Variants in PSG6 observed in about 807,000 individuals in gnomAD.
PSG6 encodes pregnancy specific beta-1-glycoprotein 6, also known as pregnancy-specific beta-1-glycoprotein 6.
Under a neutral mutation model 43.3 loss-of-function variants are expected in PSG6, and 51 were observed. The ratio of observed to expected loss-of-function variants is 1.18; its 90% CI spans 0.94 to 1.49. The LOEUF (loss-of-function observed/expected upper bound fraction) is 1.49, where lower values mean the gene tolerates loss of function less well. Among genes scored for constraint, PSG6 ranks in the 40% most tolerant of loss-of-function variants. PSG6 has a pLI of 0.00. For missense variants in PSG6, 770 were observed against 522.2 expected (o/e 1.47, Z -4.62); for synonymous variants, 292 against 197.6 (o/e 1.48, Z -4.01).
chr19:42,903,273 A>T (rs984213794), intron 5 of PSG6, among the ~76,000 whole-genome samples: 4 of 151,678 alleles, frequency 2.6e-5, no homozygotes, highest in Non-Finnish European at 5.9e-5. Flanking sequence ...TTTTCAGGTG[A>T]GGAATCAGGG....
At position 42,903,034 on chromosome 19, in the gene PSG6, T is replaced by C. The variant is rs1488668209; in HGVS notation, c.1241-588A>G. On this transcript the variant is annotated intron_variant, in intron 5 of 5. Coordinates refer to ENST00000187910, the MANE Select transcript of PSG6 (RefSeq NM_001031850.4). ...CCCTGTCAGGTAGGCATTATTTCCA[T>C]TTTGCTGATGAAAAGACAGAAGCTT... is the stretch of plus-strand genomic sequence containing the variant. Among the ~76,000 whole-genome samples, 5 of 151,634 alleles carry C rather than the reference T, an allele frequency of 3.3e-5. No homozygotes were observed. In the East Asian group the frequency reaches 7.7e-4, roughly 23 times the overall value.
At chr19:42,906,017 A>T (rs1381862005) in intron 5 of PSG6, among the ~76,000 whole-genome samples, 2 of 151,650 alleles carry the variant, frequency 1.3e-5, no homozygotes, top group Non-Finnish European at 1.5e-5. Context: ...ACAACACTAA[A>T]TTGCACACTT....
rs1400121607 is a variant in PSG6 at position 42,913,412 on chromosome 19, T to C, written c.428-2554A>G. Among the ~76,000 whole-genome samples, 2 of 151,870 alleles carry C rather than the reference T, an allele frequency of 1.3e-5. 1 individual carries two copies. Among genetic ancestry groups the C allele is most frequent in the Non-Finnish European group, 2.9e-5 (2 of 67,952 alleles). On this transcript the variant is annotated intron_variant, in intron 2 of 5. Coordinates refer to ENST00000187910, the MANE Select transcript of PSG6 (RefSeq NM_001031850.4). ...TGCCCGCCTCAGCCTCCCAAAGTGC[T>C]GGGATTATAGGCGTGAGCCACTGTG...
rs752118246 is a variant in PSG6 at position 42,916,176 on chromosome 19, G to C, written c.376C>G (p.Arg126Gly). The C allele has an allele frequency of 1.9e-5, 30 of 1,611,948 alleles. 2 individuals are homozygous for C. Among genetic ancestry groups the C allele is most frequent in the African/African-American group, 2.7e-5 (2 of 74,682 alleles). The change falls in exon 2 of 6, where the codon CGA becomes GGA. Residue 126 changes from arginine (R) to glycine (G), a missense_variant. By Grantham distance (125) the Arg-to-Gly change is moderately radical (BLOSUM62 -2). Transcript: ENST00000187910. The stretch of plus-strand genomic sequence containing the variant: ...GTTACTCCTCCAGTCCCATCGCCTC[G>C]CTTTATGATGTGTAAGGTGTAGGAT... ...AGSYTLHIIK[R>G]GDGTGGVTGY... is the part of the protein sequence containing the mutation.
In PSG6 at chr19:42,908,169, G is replaced by A. The variant is rs139041147; in HGVS notation, c.707-315C>T. ...CCCTCCATAATCAGTTGACTGGCTG[G>A]CTCACCCTGGGTTCCTTACCTGGAA... On this transcript the variant is annotated intron_variant, in intron 3 of 5. Transcript: ENST00000187910. Among the ~76,000 whole-genome samples, 605 of 151,694 alleles carry A rather than the reference G, an allele frequency of 4.0e-3. 33 individuals carry two copies. In the East Asian group the frequency reaches 0.06, roughly 15 times the overall value.
In PSG6 at chr19:42,908,768, A is replaced by C. The variant is rs141485623; in HGVS notation, c.707-914T>G. Among the ~76,000 whole-genome samples, 590 of 151,792 alleles carry C rather than the reference A, an allele frequency of 3.9e-3. 11 individuals carry two copies. The highest frequency in any genetic ancestry group is 0.013 in the African/African-American group (558 of 41,410). On this transcript the variant is annotated intron_variant, in intron 3 of 5. Coordinates refer to ENST00000187910, the MANE Select transcript of PSG6 (RefSeq NM_001031850.4). ...ATGGATATGAGACAAATTTGGAGAGAAGTTTTGCAAATATTTTCTTTCATT... is the reference window on the plus strand; with the variant it reads ...ATGGATATGAGACAAATTTGGAGAGCAGTTTTGCAAATATTTTCTTTCATT...
At position 42,914,105 on chromosome 19, in the gene PSG6, G is replaced by A. The variant is rs1239993654; in HGVS notation, c.427+2020C>T. Among the ~76,000 whole-genome samples the A allele has an allele frequency of 2.0e-5, 3 of 151,552 alleles. 1 individual carries two copies. ...CTGGCAATTACAAGGGTGGATGGGG[G>A]AACTGCCTATCCCTGTCCCATGGTC... On this transcript the variant is annotated intron_variant, in intron 2 of 5. Coordinates refer to ENST00000187910, the MANE Select transcript of PSG6 (RefSeq NM_001031850.4).
chr19:42,907,276 A>C lies in PSG6; in HGVS notation c.986-100T>G, dbSNP rs149143628. On this transcript the variant is annotated intron_variant, in intron 4 of 5. Coordinates refer to ENST00000187910, the MANE Select transcript of PSG6 (RefSeq NM_001031850.4). The stretch of plus-strand genomic sequence containing the variant: ...CAGTGACCCTCTGAACCAAGACACA[A>C]CCTCAAGTGACAGCCAAATCCCATC... The C allele has an allele frequency of 1.5e-3, 2,304 of 1,517,856 alleles. 77 individuals are homozygous for C. The African/African-American group carries it at 0.029, about 19-fold the overall frequency. 94.0% of individuals were successfully genotyped at this position (1,517,856 alleles called of 1,614,324 possible).
chr19:42,912,468 A>T (rs1030666632), intron 2 of PSG6, among the ~76,000 whole-genome samples: 1 of 151,782 alleles, frequency 6.6e-6, no homozygotes, highest in Non-Finnish European at 1.5e-5. Context: ...TCAAAGAAAG[A>T]TGCCAAAGGT....
Position 42,911,011 on chromosome 19 carries a change from C to T in PSG6, c.428-153G>A, listed in dbSNP as rs2074855. Among the ~76,000 whole-genome samples, 140 of 151,618 alleles carry T rather than the reference C, an allele frequency of 9.2e-4. 8 individuals are homozygous for T. The East Asian group carries it at 0.025, about 27-fold the overall frequency. ...TGTGTGTTACAAGACAGATGCATGGCAACCTGAGGGCTCAGTGATTGTGAG... is the reference window on the plus strand; with the variant it reads ...TGTGTGTTACAAGACAGATGCATGGTAACCTGAGGGCTCAGTGATTGTGAG... On this transcript the variant is annotated intron_variant, in intron 2 of 5. Transcript: ENST00000187910.
intron 5 of PSG6, among the ~76,000 whole-genome samples, chr19:42,905,535 A>G (rs1196639782): frequency 6.6e-6 from 1 of 151,704 alleles, no homozygotes; most frequent in Non-Finnish European, 1.5e-5. Context: ...AAAATTAAAC[A>G]ATAAATTACC....
rs138458010 is a variant in PSG6, at chr19:42,909,695, C to A, written c.706+885G>T. The A allele has an allele frequency of 7.5e-4, 114 of 151,742 alleles. 1 individual carries two copies. The highest frequency in any genetic ancestry group is 2.7e-3 in the African/African-American group (112 of 41,390). The allele number at this position is 151,742 out of a possible 1,614,324, so 9.4% of individuals were successfully genotyped here. On this transcript the variant is annotated intron_variant, in intron 3 of 5. Transcript: ENST00000187910. ...ATGTTAATGTGAATTGAAATTCTTT[C>A]CTTAACTTCCTTTCAGATTGTTCAT...
rs569612083 is a variant in PSG6 at position 42,906,973 on chromosome 19, T to C, written c.1189A>G (p.Asn397Asp). Residue 397 changes from asparagine to aspartate, a missense_variant, in exon 5 of 6, where the codon AAC (asparagine) becomes GAC (aspartate). Asn to Asp is a conservative substitution (Grantham distance 23, BLOSUM62 1). Coordinates refer to ENST00000187910, the MANE Select transcript of PSG6 (RefSeq NM_001031850.4). ...GAGATTTCCTTGCCAGTGGCTGAGTTACGAACAGAGCAAGCATAGAGCCCG... is the reference window on the plus strand; with the variant it reads ...GAGATTTCCTTGCCAGTGGCTGAGTCACGAACAGAGCAAGCATAGAGCCCG... ...HSGLYACSVRNSATGKEISKS... is the reference protein window; with the variant it reads ...HSGLYACSVRDSATGKEISKS... The C allele has an allele frequency of 4.7e-5, 76 of 1,612,420 alleles. 2 individuals carry two copies. In the East Asian group the frequency reaches 1.7e-3, roughly 35 times the overall value.
At position 42,911,915 on chromosome 19, in the gene PSG6, G is replaced by C. The variant is rs556894497; in HGVS notation, c.428-1057C>G. On this transcript the variant is annotated intron_variant, in intron 2 of 5. Transcript: ENST00000187910. ...CAGCAACTGAAATCACGGGTATAGG[G>C]CGTTGTTCCGTGGGTGTGCGGTTTC... Among the ~76,000 whole-genome samples, 35 of 151,622 alleles carry C rather than the reference G, an allele frequency of 2.3e-4. 1 individual carries two copies. The highest frequency in any genetic ancestry group is 5.0e-4 in the Non-Finnish European group (34 of 67,880).
At chr19:42,914,151 C>A (rs1220610337) in intron 2 of PSG6, among the ~76,000 whole-genome samples, 1 of 151,510 alleles carries the variant, frequency 6.6e-6, no homozygotes, top group Non-Finnish European at 1.5e-5. Flanking sequence ...GTCAGCCTCA[C>A]AAAGGGAAAG....
rs185274105 is a variant in PSG6 at position 42,908,786 on chromosome 19, C to A, written c.707-932G>T. ...TGGAGAGAAGTTTTGCAAATATTTT[C>A]TTTCATTGGACATTCTACTCTCTGA... On this transcript the variant is annotated intron_variant, in intron 3 of 5. Transcript: ENST00000187910. 9.9e-5 allele frequency among the ~76,000 whole-genome samples: 15 copies of A among 151,652 alleles called. 1 individual carries two copies. Among genetic ancestry groups the A allele is most frequent in the South Asian group, 2.1e-4 (1 of 4,780 alleles).
At chr19:42,912,135 G>A (rs1224437993) in intron 2 of PSG6, among the ~76,000 whole-genome samples, 2 of 151,586 alleles carry the variant, frequency 1.3e-5, no homozygotes, top group Non-Finnish European at 2.9e-5. Context: ...TCCACAATGC[G>A]CGAGTGAGCA....
chr19:42,907,546 C>T (rs1568442768), intron 4 of PSG6, 30 bp downstream of exon 4: 1 of 1,610,004 alleles, frequency 6.2e-7, no homozygotes, highest in East Asian at 2.2e-5. Context: ...AGCTGGTGTC[C>T]TGGCCCACAG....
At chr19:42,915,768 GTA>G in intron 2 of PSG6, 1 of 411,622 alleles carries the variant, frequency 2.4e-6, no homozygotes, top group Admixed American at 4.0e-5. Flanking sequence ...TTCTCTGAGG[GTA>G]TCTCAGTGGG....
Sources: gnomAD v4.1 joint callset for allele counts (sites outside exome capture counted in the v4.1 genomes callset) on GRCh38, gnomAD v4.1.1 for gene constraint, MANE v1.5 for transcripts, NCBI Gene and HGNC (gene_info 2026-07-23, HGNC 2026-07-21) for gene names.